The following DPP6 variants were observed in gnomAD, a reference collection of about 807,000 sequenced individuals.
The protein encoded by DPP6 is dipeptidyl peptidase like 6.
In DPP6, 69 loss-of-function variants were observed where a neutral mutation model predicts 122.6. The ratio of observed to expected loss-of-function variants is 0.56; its 90% CI spans 0.46 to 0.69. The LOEUF is 0.69. DPP6 is among the 30% of genes least tolerant of loss of function. The pLI is 0.00. For missense variants in DPP6, 928 were observed against 1,116.9 expected (o/e 0.83, Z 2.41); for synonymous variants, 418 against 433.1 (o/e 0.97, Z 0.43).
intron 1 of DPP6, among the ~76,000 whole-genome samples, chr7:153,899,214 TCTCCTCCTCCTC>T (rs1194726012): frequency 2.0e-5 from 3 of 151,442 alleles, no homozygotes; most frequent in African/African-American, 7.3e-5. Flanking sequence ...TCCTCCTCCT[TCTCCTCCTCCTC>T]CTTTGATTAT....
chr7:154,046,482 C>A (rs1348373345), intron 1 of DPP6, among the ~76,000 whole-genome samples: 1 of 152,114 alleles, frequency 6.6e-6, no homozygotes, highest in Non-Finnish European at 1.5e-5. Flanking sequence ...ATGGCTTATT[C>A]CATTTAGAAC....
intron 1 of DPP6, among the ~76,000 whole-genome samples, chr7:154,307,441 C>T (rs1806447981): frequency 6.6e-6 from 1 of 152,144 alleles, no homozygotes; most frequent in Admixed American, 6.5e-5. Flanking sequence ...GCTTTTTCTC[C>T]CTCCTCAGAG....
intron 1 of DPP6, among the ~76,000 whole-genome samples, chr7:154,181,749 CTT>C (rs57576340): frequency 8.9e-5 from 12 of 134,880 alleles, no homozygotes; most frequent in Middle Eastern, 3.4e-3. Context: ...GCATCTCCCT[CTT>C]TTTTTTTTTT....
intron 8 of DPP6, among the ~76,000 whole-genome samples, chr7:154,759,465 AG>A (rs1178431957): frequency 6.6e-6 from 1 of 152,196 alleles, no homozygotes; most frequent in Non-Finnish European, 1.5e-5. Context: ...ATAGGACGGA[AG>A]GGGACCACCC....
chr7:153,913,032 G>A (rs926172622), intron 1 of DPP6, among the ~76,000 whole-genome samples: 2 of 152,112 alleles, frequency 1.3e-5, no homozygotes, highest in African/African-American at 4.8e-5. Context: ...TAGTAACTGT[G>A]TGTAAAGGTT....
intron 6 of DPP6, among the ~76,000 whole-genome samples, chr7:154,663,912 C>T (rs1485967118): frequency 1.9e-5 from 2 of 102,996 alleles, no homozygotes; most frequent in African/African-American, 5.6e-5. Flanking sequence ...ATCACCATGG[C>T]GTATTGGCCA....
chr7:154,172,599 T>C (rs1797590569), intron 1 of DPP6, among the ~76,000 whole-genome samples: 1 of 148,350 alleles, frequency 6.7e-6, no homozygotes, highest in Non-Finnish European at 1.5e-5. Context: ...TAAAGTCTTT[T>C]TTTTTCTTTT....
intron 3 of DPP6, among the ~76,000 whole-genome samples, chr7:154,512,574 G>A (rs1246356588): frequency 1.3e-5 from 2 of 152,188 alleles, no homozygotes; most frequent in East Asian, 1.9e-4. Flanking sequence ...GAAGAGGGAT[G>A]TCTTCGATGG....
chr7:154,219,373 A>G (rs1217457321), intron 1 of DPP6, among the ~76,000 whole-genome samples: 19 of 152,168 alleles, frequency 1.2e-4, no homozygotes, highest in Admixed American at 1.2e-3. Context: ...TTGCCCAACA[A>G]TACACATCAT....
chr7:154,061,870 C>T (rs1451238645), intron 1 of DPP6, among the ~76,000 whole-genome samples: 2 of 135,076 alleles, frequency 1.5e-5, no homozygotes, highest in African/African-American at 2.7e-5. Flanking sequence ...CGGAGGCACC[C>T]CCCGCGAGGC....
At chr7:154,043,326 G>A (rs1471454327) in intron 1 of DPP6, among the ~76,000 whole-genome samples, 1 of 136,534 alleles carries the variant, frequency 7.3e-6, no homozygotes, top group Admixed American at 8.0e-5. Flanking sequence ...CGGGCAGGTG[G>A]AGTTTGCAGT....
chr7:154,358,280 G>A (rs1811442059), intron 1 of DPP6, among the ~76,000 whole-genome samples: 1 of 152,148 alleles, frequency 6.6e-6, no homozygotes, highest in South Asian at 2.1e-4. Context: ...ACCCATGGAG[G>A]GTTAGGACCT....
In DPP6 at chr7:154,638,377, G is replaced by T. The variant is rs991937227; in HGVS notation, c.680+504G>T. 5.3e-5 allele frequency among the ~76,000 whole-genome samples: 8 copies of T among 152,192 alleles called. No individual in the cohort carries two copies. In the East Asian group the frequency reaches 7.7e-4, roughly 15 times the overall value. ...ACATTCAGCAGTGCATTGGGAATGG[G>T]TTGGGCAAGTGGTATTAGTGCTGCT... On this transcript the variant is annotated intron_variant, in intron 6 of 25. Transcript: ENST00000377770.
At chr7:154,623,986 G>T (rs1205443770) in intron 5 of DPP6, among the ~76,000 whole-genome samples, 1 of 152,184 alleles carries the variant, frequency 6.6e-6, no homozygotes, top group African/African-American at 2.4e-5. Flanking sequence ...TTGAGGTGAG[G>T]AATTCGAGAC....
chr7:153,962,932 A>G (rs539016663), intron 1 of DPP6, among the ~76,000 whole-genome samples: 1 of 152,270 alleles, frequency 6.6e-6, no homozygotes, highest in Non-Finnish European at 1.5e-5. Context: ...TTCACACGCT[A>G]ATACACATCC....
At chr7:153,759,591 C>T in the DPP6 span, among the ~76,000 whole-genome samples, 2 of 151,810 alleles carry the variant, frequency 1.3e-5, no homozygotes, top group Non-Finnish European at 2.9e-5. Flanking sequence ...CCTTGGCCTC[C>T]GAAGTGCTGG....
chr7:154,736,839 C>T (rs2131396078), intron 8 of DPP6, among the ~76,000 whole-genome samples: 1 of 152,344 alleles, frequency 6.6e-6, no homozygotes, highest in South Asian at 2.1e-4. Flanking sequence ...CTCACATATT[C>T]TAGGAACCTC....
intron 5 of DPP6, among the ~76,000 whole-genome samples, chr7:154,568,996 T>A (rs1450463939): frequency 6.6e-6 from 1 of 152,212 alleles, no homozygotes; most frequent in African/African-American, 2.4e-5. Flanking sequence ...AGGGAAATTA[T>A]AACCTATAGG....
intron 1 of DPP6, among the ~76,000 whole-genome samples, chr7:154,426,882 A>G (rs1344346076): frequency 6.6e-6 from 1 of 151,980 alleles, no homozygotes; most frequent in African/African-American, 2.4e-5. Flanking sequence ...ACAAAATTCC[A>G]AGAGAATTAT....
Sources: gnomAD v4.1 joint callset for allele counts (sites outside exome capture counted in the v4.1 genomes callset) on GRCh38, gnomAD v4.1.1 for gene constraint, MANE v1.5 for transcripts, NCBI Gene and HGNC (gene_info 2026-07-23, HGNC 2026-07-21) for gene names.